Variants in NHSL2 observed in about 807,000 individuals in gnomAD.
The protein encoded by NHSL2 is NHS-like protein 2.
NHSL2 carries 27 observed loss-of-function variants against 53.4 expected under a neutral mutation model. The observed-to-expected ratio is 0.51, with a 90% confidence interval of 0.37 to 0.70. The LOEUF (loss-of-function observed/expected upper bound fraction) is 0.70. Among genes scored for constraint, NHSL2 ranks in the 30% least tolerant of loss-of-function variants. NHSL2 has a pLI of 0.00. For missense variants in NHSL2, 892 were observed against 980.1 expected (o/e 0.91, Z 1.20); for synonymous variants, 408 against 404.1 (o/e 1.01, Z -0.12).
intron 1 of NHSL2, chrX:72,130,085 T>C: frequency 8.3e-7 from 1 of 1,211,163 alleles, no homozygotes; most frequent in African/African-American, 1.7e-5. Flanking sequence ...TGGTAACCAC[T>C]TGTGGGGCCA....
At chrX:72,000,157 G>A (rs1472900798) in intron 1 of NHSL2, among the ~76,000 whole-genome samples, 2 of 110,962 alleles carry the variant, frequency 1.8e-5, no homozygotes, top group Admixed American at 9.6e-5. Context: ...GAACACCACC[G>A]GTCCTACATA....
intron 1 of NHSL2, among the ~76,000 whole-genome samples, chrX:72,025,736 T>G (rs1487968609): frequency 9.0e-6 from 1 of 111,000 alleles, no homozygotes; most frequent in Non-Finnish European, 1.9e-5. Flanking sequence ...AGACCTGGGG[T>G]GTGGAATGAG....
chrX:71,993,256 T>G (rs2042035392), intron 1 of NHSL2, among the ~76,000 whole-genome samples: 1 of 112,621 alleles, frequency 8.9e-6, no homozygotes, highest in Admixed American at 9.4e-5. Flanking sequence ...GCCCAGCTTT[T>G]CCTGCATAGC....
At chrX:72,028,213 C>G (rs976079448) in intron 1 of NHSL2, among the ~76,000 whole-genome samples, 3 of 112,117 alleles carry the variant, frequency 2.7e-5, no homozygotes, top group Non-Finnish European at 5.6e-5. Context: ...TTACTTTTTT[C>G]AACTTTGTTG....
rs772711656 is a variant in NHSL2, at chrX:72,144,557, C to T, written c.*983C>T. The T allele has an allele frequency of 1.2e-4, 123 of 1,022,289 alleles. 1 individual carries two copies. In the Admixed American group the frequency reaches 2.7e-3, roughly 22 times the overall value. The allele number at this position is 1,022,289 out of a possible 1,213,427, so 84.2% of individuals were successfully genotyped here. A position where few individuals can be genotyped will look rare whatever the true frequency, so the allele number is the denominator to read the frequency against. The stretch of plus-strand genomic sequence containing the variant: ...ATGGAAAGTAAGTGCATCTTGCCCC[C>T]CACCAGTCAATTCAGATCGTGGTTT... On this transcript the variant is annotated 3_prime_UTR_variant, in exon 8 of 8. Transcript: ENST00000633930.
chrX:72,131,313 G>C, intron 1 of NHSL2: 1 of 1,200,029 alleles, frequency 8.3e-7, no homozygotes, highest in Non-Finnish European at 1.1e-6. Context: ...GAATGACTTC[G>C]ATCTCACTGA....
intron 1 of NHSL2, among the ~76,000 whole-genome samples, chrX:72,049,009 A>AGAAGAAGAAGAAGAAGAG (rs1556340802): frequency 4.6e-5 from 4 of 86,135 alleles, no homozygotes; most frequent in African/African-American, 1.9e-4. Flanking sequence ...AAGAAGAAGA[A>AGAAGAAGAAGAAGAAGAG]GAAGAGGAAG....
intron 1 of NHSL2, among the ~76,000 whole-genome samples, chrX:72,107,569 T>C (rs2042055790): frequency 8.9e-6 from 1 of 112,047 alleles, no homozygotes; most frequent in African/African-American, 3.2e-5. Context: ...ATTGCTCTGC[T>C]CTGCTGTCTC....
At chrX:71,973,392 C>T (rs766265427) in intron 1 of NHSL2, among the ~76,000 whole-genome samples, 2 of 111,951 alleles carry the variant, frequency 1.8e-5, no homozygotes, top group Non-Finnish European at 3.8e-5. Flanking sequence ...AGCTACCAGC[C>T]GTCTTAACTG....
chrX:71,996,994 C>T (rs1485413308), intron 1 of NHSL2, among the ~76,000 whole-genome samples: 1 of 112,468 alleles, frequency 8.9e-6, no homozygotes, highest in African/African-American at 3.2e-5. Context: ...GGGCGGTGTG[C>T]GAGTTACTCC....
intron 1 of NHSL2, among the ~76,000 whole-genome samples, chrX:71,975,530 C>T (rs2041944454): frequency 9.0e-6 from 1 of 111,466 alleles, no homozygotes; most frequent in African/African-American, 3.3e-5. Flanking sequence ...ACCCTCCTTT[C>T]CTTGACCTTA....
intron 1 of NHSL2, among the ~76,000 whole-genome samples, chrX:72,046,333 A>T (rs1602329510): frequency 8.9e-6 from 1 of 112,152 alleles, no homozygotes; most frequent in East Asian, 2.8e-4. Context: ...AGGCAGCTCC[A>T]TATACTGAGT....
Position 72,144,364 on chromosome X carries a change from G to A in NHSL2, c.*790G>A, listed in dbSNP as rs1265727326. On this transcript the variant is annotated 3_prime_UTR_variant, in exon 8 of 8. Coordinates refer to ENST00000633930, the MANE Select transcript of NHSL2 (RefSeq NM_001013627.3). ...ATTTGTTCACTCAGATCTAGCCGAG[G>A]TAACTCACAAGTGCACCTTGAGATC... 3.6e-5 allele frequency: 12 copies of A among 337,144 alleles called. No individual in the cohort carries two copies. Among genetic ancestry groups the A allele is most frequent in the Non-Finnish European group, 5.8e-5 (11 of 188,136 alleles). 27.8% of individuals were successfully genotyped at this position (337,144 alleles called of 1,213,427 possible).
At position 72,067,914 on chromosome X, in the gene NHSL2, ACT is replaced by A. The variant is rs1460051370; in HGVS notation, c.281-64163_281-64162del. On this transcript the variant is annotated intron_variant, in intron 1 of 7. Coordinates refer to ENST00000633930, the MANE Select transcript of NHSL2 (RefSeq NM_001013627.3). ...CTGAAGAGACCCTTGAAAGCTGGAG[ACT>A]CAACAGGAGAGGTTCCTAGCAGGGG... 9.8e-5 allele frequency among the ~76,000 whole-genome samples: 11 copies of A among 112,121 alleles called. No homozygotes were observed. In the East Asian group the frequency reaches 3.1e-3, roughly 31 times the overall value.
chrX:71,966,858 G>A (rs963776722), intron 1 of NHSL2, among the ~76,000 whole-genome samples: 1 of 112,013 alleles, frequency 8.9e-6, no homozygotes, highest in South Asian at 3.7e-4. Context: ...CCAGATTGTA[G>A]AGAATTGGTA....
At chrX:71,969,979 C>A (rs1322354448) in intron 1 of NHSL2, among the ~76,000 whole-genome samples, 2 of 111,884 alleles carry the variant, frequency 1.8e-5, no homozygotes, top group Non-Finnish European at 3.8e-5. Context: ...TTATCATAAA[C>A]AGGTGTTAGA....
chrX:71,961,196 A>G (rs750063379), intron 1 of NHSL2, among the ~76,000 whole-genome samples: 1 of 112,049 alleles, frequency 8.9e-6, no homozygotes, highest in East Asian at 2.8e-4. Context: ...TTGATAATGT[A>G]TAGAAGTACA....
At chrX:71,990,256 A>C (rs2042021670) in intron 1 of NHSL2, among the ~76,000 whole-genome samples, 1 of 112,053 alleles carries the variant, frequency 8.9e-6, no homozygotes, top group African/African-American at 3.2e-5. Context: ...TCAAGAGGTC[A>C]AAAGGCCCAG....
chrX:72,129,620 T>A (rs1212079266), intron 1 of NHSL2: 1 of 426,537 alleles, frequency 2.3e-6, no homozygotes, highest in Non-Finnish European at 4.0e-6. Flanking sequence ...CTATTGCTGA[T>A]CCCTCCTTTC....
Sources: gnomAD v4.1 joint callset for allele counts (sites outside exome capture counted in the v4.1 genomes callset) on GRCh38, gnomAD v4.1.1 for gene constraint, MANE v1.5 for transcripts, NCBI Gene and HGNC (gene_info 2026-07-23, HGNC 2026-07-21) for gene names.